DNAH14: variants seen among roughly 807,000 people sequenced by gnomAD.
DNAH14 encodes dynein axonemal heavy chain 14.
A neutral mutation model predicts 520.9 loss-of-function variants in DNAH14; 478 were observed. The observed-to-expected ratio is 0.92, with a 90% CI of 0.85 to 0.99. The LOEUF (loss-of-function observed/expected upper bound fraction) is 0.99, where lower values mean the gene tolerates loss of function less well. DNAH14 is among the 50% of genes least tolerant of loss of function. DNAH14 has a pLI of 0.00. For missense variants in DNAH14, 4,831 were observed against 5,234.5 expected (o/e 0.92, Z 2.38); for synonymous variants, 1,581 against 1,757.2 (o/e 0.90, Z 2.51).
Position 225,104,064 on chromosome 1 carries a change from C to A in DNAH14, c.3867+3180C>A, listed in dbSNP as rs191387373. On this transcript the variant is annotated intron_variant, in intron 23 of 85. Coordinates refer to ENST00000682510, the MANE Select transcript of DNAH14 (RefSeq NM_001367479.1). ...CTCTTATTATTTTGAGATACGTCCC[C>A]TCAATACCTAATTTATTGAGAGTTT... is the stretch of plus-strand genomic sequence containing the variant. 4.8e-3 allele frequency among the ~76,000 whole-genome samples: 730 copies of A among 152,220 alleles called. 4 individuals are homozygous for A. Among genetic ancestry groups the A allele is most frequent in the African/African-American group, 0.016 (684 of 41,550 alleles).
chr1:225,252,179 C>A, intron 43 of DNAH14, 122 bp from the exon 44 acceptor site: 1 of 688,000 alleles, frequency 1.5e-6, no homozygotes, highest in Admixed American at 2.3e-5. Context: ...TGGATATACC[C>A]TTGGTGAATA....
intron 76 of DNAH14, among the ~76,000 whole-genome samples, chr1:225,365,784 G>A (rs1194809087): frequency 6.6e-6 from 1 of 151,756 alleles, no homozygotes; most frequent in Non-Finnish European, 1.5e-5. Flanking sequence ...TTGGGGGGTG[G>A]AGGTACTGGG....
At chr1:225,101,006 A>G (rs1034819978) in intron 23 of DNAH14, 122 bp downstream of exon 23, 1 of 793,318 alleles carries the variant, frequency 1.3e-6, no homozygotes, top group Non-Finnish European at 1.9e-6. Flanking sequence ...GCTGCCAACA[A>G]TTTTTTAAAC....
At chr1:225,254,659 ACT>A (rs1255793865) in intron 44 of DNAH14, among the ~76,000 whole-genome samples, 7 of 152,068 alleles carry the variant, frequency 4.6e-5, no homozygotes, top group African/African-American at 1.7e-4. Flanking sequence ...GGCAAGGGAG[ACT>A]CTCTCTACCT....
At chr1:225,340,924 C>T (rs1174819827) in intron 69 of DNAH14, among the ~76,000 whole-genome samples, 1 of 152,052 alleles carries the variant, frequency 6.6e-6, no homozygotes, top group African/African-American at 2.4e-5. Flanking sequence ...AGAACATTTG[C>T]CACCCTGTAA....
Position 224,946,287 on chromosome 1 carries a change from C to T in DNAH14, c.-33-6383C>T, listed in dbSNP as rs189203147. 2.7e-4 allele frequency among the ~76,000 whole-genome samples: 41 copies of T among 151,858 alleles called. No individual in the cohort carries two copies. In the East Asian group the frequency reaches 5.6e-3, roughly 21 times the overall value. Reference sequence around the variant, plus strand: ...GAGGCTCTGTGGGTGTAGGACCCTCCGAGCCAGACATGGGATATAGTCTCC... The same window carrying T: ...GAGGCTCTGTGGGTGTAGGACCCTCTGAGCCAGACATGGGATATAGTCTCC... On this transcript the variant is annotated intron_variant, in intron 1 of 85. Transcript: ENST00000682510.
At chr1:225,103,113 G>C (rs925408775) in intron 23 of DNAH14, among the ~76,000 whole-genome samples, 11 of 152,166 alleles carry the variant, frequency 7.2e-5, no homozygotes, top group African/African-American at 2.7e-4. Flanking sequence ...CATATGGCTA[G>C]CCAGTTTTCC....
intron 36 of DNAH14, among the ~76,000 whole-genome samples, chr1:225,175,701 C>CTTTT (rs35341695): frequency 1.2e-4 from 13 of 109,226 alleles, no homozygotes; most frequent in African/African-American, 2.6e-4. Context: ...TATTTTGGAT[C>CTTTT]TTTTTTTTTT....
intron 44 of DNAH14, among the ~76,000 whole-genome samples, chr1:225,254,487 G>GTC (rs1464171516): frequency 4.6e-5 from 7 of 152,190 alleles, no homozygotes; most frequent in African/African-American, 1.7e-4. Context: ...ATATCTGGGA[G>GTC]ACAGACCATG....
At chr1:225,106,950 G>A (rs1030517994) in intron 23 of DNAH14, among the ~76,000 whole-genome samples, 6 of 152,254 alleles carry the variant, frequency 3.9e-5, no homozygotes, top group East Asian at 1.9e-4. Flanking sequence ...GAGGAGAGGC[G>A]CTCTGATTTT....
rs1041512196 is a variant in DNAH14, at chr1:225,140,645, A to G, written c.4255-123A>G. On this transcript the variant is annotated intron_variant, in intron 27 of 85. Coordinates refer to ENST00000682510, the MANE Select transcript of DNAH14 (RefSeq NM_001367479.1). ...CACAAATGTGTAAGGTCTCTTACAC[A>G]AACACTTACATACACACCACATAAA... 6 of 799,538 alleles carry G rather than the reference A, an allele frequency of 7.5e-6. No homozygotes were observed. In the Admixed American group the frequency reaches 1.3e-4, roughly 17 times the overall value. 49.5% of individuals were successfully genotyped at this position (799,538 alleles called of 1,614,324 possible). A position where few individuals can be genotyped will look rare whatever the true frequency, so the allele number is the denominator to read the frequency against.
chr1:225,249,536 C>T (rs571571244), intron 43 of DNAH14, among the ~76,000 whole-genome samples: 4 of 152,106 alleles, frequency 2.6e-5, no homozygotes, highest in Admixed American at 1.3e-4. Context: ...CAGATGGTGG[C>T]CCAGGGAAGG....
intron 27 of DNAH14, among the ~76,000 whole-genome samples, chr1:225,135,355 CTT>C (rs2078860425): frequency 6.6e-6 from 1 of 152,110 alleles, no homozygotes; most frequent in African/African-American, 2.4e-5. Context: ...TATGTTGTCT[CTT>C]TGTTCTCATG....
intron 8 of DNAH14, among the ~76,000 whole-genome samples, chr1:224,990,333 T>A (rs981954003): frequency 6.6e-6 from 1 of 152,212 alleles, no homozygotes; most frequent in Non-Finnish European, 1.5e-5. Context: ...ATTTGAAATT[T>A]ACTCTTAGCA....
At chr1:225,003,559 G>A (rs954441054) in intron 9 of DNAH14, among the ~76,000 whole-genome samples, 1 of 152,040 alleles carries the variant, frequency 6.6e-6, no homozygotes, top group Non-Finnish European at 1.5e-5. Context: ...AATCAGTTGT[G>A]TTGACTGCAT....
chr1:225,152,889 T>G lies in DNAH14; in HGVS notation c.5196+6T>G. 7.1e-6 allele frequency: 11 copies of G among 1,543,538 alleles called. No homozygotes were observed. Among genetic ancestry groups the G allele is most frequent in the Non-Finnish European group, 8.7e-6 (10 of 1,145,164 alleles). The stretch of plus-strand genomic sequence containing the variant: ...GCAAACAGCTCTCACAACAGGTAAA[T>G]AGCTACTTTTCTCAAAATATTTAAA... On this transcript the variant is annotated splice_donor_region_variant and intron_variant, in intron 33 of 85. Transcript: ENST00000682510.
At chr1:225,318,816 C>G in intron 61 of DNAH14, 139 bp downstream of exon 61, 1 of 820,832 alleles carries the variant, frequency 1.2e-6, no homozygotes, top group Non-Finnish European at 1.8e-6. Context: ...GATTTTTTAC[C>G]CATCTTGGTT....
At position 225,175,592 on chromosome 1, in the gene DNAH14, T is replaced by G. The variant is rs958211447; in HGVS notation, c.5535+7564T>G. Among the ~76,000 whole-genome samples the G allele has an allele frequency of 5.9e-5, 9 of 152,100 alleles. No individual in the cohort carries two copies. The East Asian group carries it at 1.7e-3, about 29-fold the overall frequency. ...CTTTTCAATAAACAAGGTGTTTGTT[T>G]TATTGATCTTTTGTATTTTTTACTC... On this transcript the variant is annotated intron_variant, in intron 36 of 85. Coordinates refer to ENST00000682510, the MANE Select transcript of DNAH14 (RefSeq NM_001367479.1).
At chr1:225,220,728 CA>C (rs748587479) in intron 41 of DNAH14, among the ~76,000 whole-genome samples, 19 of 151,998 alleles carry the variant, frequency 1.3e-4, no homozygotes, top group Non-Finnish European at 2.4e-4. Flanking sequence ...CCATACTGCC[CA>C]AAATAATTTA....
Sources: gnomAD v4.1 joint callset for allele counts (sites outside exome capture counted in the v4.1 genomes callset) on GRCh38, gnomAD v4.1.1 for gene constraint, MANE v1.5 for transcripts, NCBI Gene and HGNC (gene_info 2026-07-23, HGNC 2026-07-21) for gene names.